The following DDX4 variants were observed in gnomAD, a reference collection of about 807,000 sequenced individuals.
DDX4 encodes DEAD-box helicase 4.
In DDX4, 25 loss-of-function variants were observed where a neutral mutation model predicts 100.0. The ratio of observed to expected loss-of-function variants is 0.25; its 90% CI spans 0.18 to 0.35. The LOEUF (loss-of-function observed/expected upper bound fraction) is 0.35, where lower values mean the gene tolerates loss of function less well. DDX4 is among the 10% of genes least tolerant of loss of function. DDX4 has a pLI of 1.00. For missense variants in DDX4, 635 were observed against 882.4 expected (o/e 0.72, Z 3.55); for synonymous variants, 259 against 275.7 (o/e 0.94, Z 0.60).
intron 18 of DDX4, among the ~76,000 whole-genome samples, chr5:55,809,370 A>T (rs1430337085): frequency 6.6e-6 from 1 of 152,134 alleles, no homozygotes. Context: ...CCGGCACCTC[A>T]GTTGGAAATG....
intron 16 of DDX4, among the ~76,000 whole-genome samples, chr5:55,791,103 C>A (rs1195308258): frequency 6.6e-6 from 1 of 152,048 alleles, no homozygotes. Flanking sequence ...CTGTAAGAAA[C>A]CCTTTGTGGC....
chr5:55,809,050 C>G (rs1170570311), intron 18 of DDX4, among the ~76,000 whole-genome samples: 3 of 152,236 alleles, frequency 2.0e-5, no homozygotes, highest in Non-Finnish European at 4.4e-5. Flanking sequence ...TGCTGCCTTG[C>G]AGTTTGATCT....
chr5:55,765,414 ATATAT>A (rs1480364528), intron 6 of DDX4, among the ~76,000 whole-genome samples: 2 of 64,776 alleles, frequency 3.1e-5, no homozygotes, highest in Non-Finnish European at 5.8e-5. Flanking sequence ...AAAAAAAAAA[ATATAT>A]ATATATATAT....
chr5:55,773,323 T>C (rs999013284), intron 7 of DDX4: 26 of 152,276 alleles, frequency 1.7e-4, no homozygotes, highest in African/African-American at 6.3e-4. Context: ...GTTTCCACTT[T>C]TGGGCTATCA....
chr5:55,753,133 T>G (rs1037344599), intron 3 of DDX4, among the ~76,000 whole-genome samples: 1 of 152,134 alleles, frequency 6.6e-6, no homozygotes, highest in Non-Finnish European at 1.5e-5. Flanking sequence ...ATTCTGTAGG[T>G]TGCCTGTTCA....
chr5:55,792,876 G>C, intron 17 of DDX4, 69 bp downstream of exon 17: 1 of 911,618 alleles, frequency 1.1e-6, no homozygotes, highest in Non-Finnish European at 1.4e-6. Context: ...TGGAAGCACT[G>C]TGAATATCCT....
chr5:55,788,681 A>G (rs1742378630), intron 15 of DDX4, among the ~76,000 whole-genome samples: 1 of 152,196 alleles, frequency 6.6e-6, no homozygotes. Flanking sequence ...GCCCATGTGT[A>G]TACATTTTAT....
chr5:55,748,950 A>G (rs1759392127), intron 3 of DDX4, among the ~76,000 whole-genome samples: 1 of 152,036 alleles, frequency 6.6e-6, no homozygotes, highest in East Asian at 1.9e-4. Context: ...TGCCCTTTTC[A>G]TGCTCTTAAA....
intron 18 of DDX4, among the ~76,000 whole-genome samples, chr5:55,813,354 A>G (rs2112198096): frequency 6.6e-6 from 1 of 152,310 alleles, no homozygotes; most frequent in South Asian, 2.1e-4. Flanking sequence ...AGGGGAGGAA[A>G]GGACTGAGAC....
At chr5:55,761,101 A>G (rs1272843938) in intron 4 of DDX4, among the ~76,000 whole-genome samples, 2 of 152,176 alleles carry the variant, frequency 1.3e-5, no homozygotes, top group Non-Finnish European at 2.9e-5. Context: ...CTTTAGATAC[A>G]ATAAACACAA....
At chr5:55,770,466 A>G (rs1427594701) in intron 7 of DDX4, among the ~76,000 whole-genome samples, 1 of 152,234 alleles carries the variant, frequency 6.6e-6, no homozygotes, top group South Asian at 2.1e-4. Flanking sequence ...TCTTGATTAT[A>G]TATGGGCAGT....
intron 9 of DDX4, 85 bp from the exon 10 acceptor site, chr5:55,781,849 T>C (rs1741931673): frequency 7.5e-6 from 11 of 1,468,272 alleles, no homozygotes; most frequent in African/African-American, 1.4e-5. Context: ...GTAATAACTT[T>C]GTTGAATAGA....
intron 2 of DDX4, 121 bp downstream of exon 2, chr5:55,739,153 T>G (rs1758848939): frequency 1.5e-6 from 1 of 664,258 alleles, no homozygotes; most frequent in Non-Finnish European, 2.6e-6. Context: ...TGATTGTTAT[T>G]AACTATTATA....
chr5:55,775,240 T>C (rs921540151), intron 7 of DDX4, among the ~76,000 whole-genome samples: 2 of 152,192 alleles, frequency 1.3e-5, no homozygotes, highest in African/African-American at 4.8e-5. Context: ...ATTTACCACA[T>C]TTTGTTTATC....
intron 18 of DDX4, among the ~76,000 whole-genome samples, chr5:55,812,802 T>C (rs1038920785): frequency 2.0e-5 from 3 of 152,018 alleles, no homozygotes; most frequent in Non-Finnish European, 4.4e-5. Flanking sequence ...GATTTTTTCC[T>C]TTTTAGTACT....
intron 2 of DDX4, among the ~76,000 whole-genome samples, chr5:55,741,401 T>C (rs942138895): frequency 3.9e-5 from 6 of 152,184 alleles, no homozygotes; most frequent in Admixed American, 2.6e-4. Flanking sequence ...TAACACCTGG[T>C]GTTGTGCTGG....
chr5:55,782,734 G>A (rs1052093904), intron 10 of DDX4, among the ~76,000 whole-genome samples: 3 of 151,654 alleles, frequency 2.0e-5, no homozygotes, highest in Admixed American at 6.6e-5. Context: ...TGGAATAGTT[G>A]ATTTGGTCTG....
intron 10 of DDX4, chr5:55,782,197 C>G: frequency 1.8e-6 from 1 of 546,302 alleles, no homozygotes; most frequent in Non-Finnish European, 3.3e-6. Context: ...TCCAGCAATT[C>G]CATTATAGGA....
chr5:55,747,554 A>C (rs1284062852), intron 3 of DDX4, among the ~76,000 whole-genome samples: 1 of 152,210 alleles, frequency 6.6e-6, no homozygotes, highest in African/African-American at 2.4e-5. Context: ...CTCTAAAAAC[A>C]AAACAAAAAC....
Sources: allele counts gnomAD v4.1 joint callset (sites outside exome capture counted in the v4.1 genomes callset), GRCh38; gene constraint gnomAD v4.1.1; transcripts MANE v1.5; gene names NCBI Gene and HGNC (gene_info 2026-07-23, HGNC 2026-07-21).